Variants in KIAA1217 observed in about 807,000 individuals in gnomAD.
The protein encoded by KIAA1217 is KIAA1217.
KIAA1217 carries 88 observed loss-of-function variants against 163.9 expected under a neutral mutation model. That is an observed-to-expected ratio of 0.54 (90% CI 0.45 to 0.64). KIAA1217 has a LOEUF of 0.64. Ranked by LOEUF, KIAA1217 falls within the 30% of genes least tolerant of loss-of-function variation. The pLI, the probability that KIAA1217 is intolerant of heterozygous loss-of-function variation, is 0.00. For synonymous variants in KIAA1217, 903 were observed against 923.1 expected (o/e 0.98, Z 0.39); for missense variants, 2,372 against 2,475.0 (o/e 0.96, Z 0.88).
At chr10:23,910,445 A>T (rs1842386753) in intron 1 of KIAA1217, among the ~76,000 whole-genome samples, 1 of 152,184 alleles carries the variant, frequency 6.6e-6, no homozygotes, top group African/African-American at 2.4e-5. Flanking sequence ...AAACCTCTGC[A>T]TGGCTCTGAC....
intron 2 of KIAA1217, among the ~76,000 whole-genome samples, chr10:24,192,168 A>G (rs1192932515): frequency 3.9e-5 from 6 of 152,228 alleles, no homozygotes; most frequent in African/African-American, 1.4e-4. Flanking sequence ...CGTCTGGTGA[A>G]GAGCGGAACA....
At chr10:24,116,111 A>G (rs978548214) in intron 2 of KIAA1217, among the ~76,000 whole-genome samples, 3 of 151,962 alleles carry the variant, frequency 2.0e-5, no homozygotes, top group Non-Finnish European at 4.4e-5. Context: ...ACACTCTTAC[A>G]TCACCTGATC....
At chr10:24,433,786 A>G (rs1166035153) in intron 4 of KIAA1217, among the ~76,000 whole-genome samples, 1 of 152,292 alleles carries the variant, frequency 6.6e-6, no homozygotes, top group Non-Finnish European at 1.5e-5. Flanking sequence ...ACAAGTTAGA[A>G]TAAAAGCAGT....
Position 24,501,382 on chromosome 10 carries a change from C to T in KIAA1217, c.1838C>T (p.Thr613Met), listed in dbSNP as rs1445183773. 18 of 1,605,244 alleles carry T rather than the reference C, an allele frequency of 1.1e-5. No homozygotes were observed. Among genetic ancestry groups the T allele is most frequent in the Non-Finnish European group, 1.4e-5 (16 of 1,173,254 alleles). The change falls in exon 9 of 21, where the codon ACG becomes ATG. Residue 613 changes from threonine (T) to methionine (M), a missense_variant. Transcript: ENST00000376454. ...ANRNHTDSAGTPHVSGGKMLS... is the reference protein window; with the variant it reads ...ANRNHTDSAGMPHVSGGKMLS... The stretch of plus-strand genomic sequence containing the variant: ...CTCTGATGCACTTTTCTCATAGGAA[C>T]GCCCCATGTGTCTGGTGGGAAGATG...
chr10:24,129,518 T>C (rs2063579382), intron 2 of KIAA1217, among the ~76,000 whole-genome samples: 1 of 152,152 alleles, frequency 6.6e-6, no homozygotes, highest in African/African-American at 2.4e-5. Context: ...TTAAAGTATA[T>C]AATCATTAAT....
At chr10:24,083,962 C>G (rs948330602) in intron 2 of KIAA1217, among the ~76,000 whole-genome samples, 1 of 152,110 alleles carries the variant, frequency 6.6e-6, no homozygotes, top group Non-Finnish European at 1.5e-5. Flanking sequence ...TAATGAGGAG[C>G]TAGGCTTCAG....
intron 1 of KIAA1217, among the ~76,000 whole-genome samples, chr10:23,866,856 A>G (rs529538789): frequency 6.6e-6 from 1 of 150,968 alleles, no homozygotes; most frequent in East Asian, 2.0e-4. Context: ...TTTTTCTTTT[A>G]TTATTATTAT....
chr10:24,043,133 A>G (rs1399475864), intron 2 of KIAA1217, among the ~76,000 whole-genome samples: 1 of 152,194 alleles, frequency 6.6e-6, no homozygotes, highest in Non-Finnish European at 1.5e-5. Context: ...AGCGTATGTA[A>G]TCACAGAGGG....
chr10:24,103,042 C>G (rs1564704263), intron 2 of KIAA1217, among the ~76,000 whole-genome samples: 1 of 152,184 alleles, frequency 6.6e-6, no homozygotes, highest in East Asian at 1.9e-4. Context: ...CACCTTCCAC[C>G]ATGACTGTGA....
chr10:23,834,935 A>G lies in KIAA1217; in HGVS notation c.-321+139701A>G, dbSNP rs141829792. On this transcript the variant is annotated intron_variant, in intron 1 of 18. Transcript: ENST00000376462. Reference sequence around the variant, plus strand: ...ATAAACATTCAAATCACTGTTTTGTAAGTAGTCACTTGAAATGACTATCAA... The same window carrying G: ...ATAAACATTCAAATCACTGTTTTGTGAGTAGTCACTTGAAATGACTATCAA... 4.9e-3 allele frequency among the ~76,000 whole-genome samples: 749 copies of G among 152,264 alleles called. 8 individuals are homozygous for G. In the South Asian group the frequency reaches 0.052, roughly 10 times the overall value.
chr10:24,390,032 A>G (rs1268000782), intron 3 of KIAA1217, among the ~76,000 whole-genome samples: 1 of 152,164 alleles, frequency 6.6e-6, no homozygotes, highest in African/African-American at 2.4e-5. Context: ...CCTCTTTACC[A>G]AACCAGGTCT....
intron 3 of KIAA1217, among the ~76,000 whole-genome samples, chr10:24,382,217 AAG>A (rs2053412216): frequency 6.6e-6 from 1 of 152,074 alleles, no homozygotes; most frequent in Non-Finnish European, 1.5e-5. Context: ...GCTTGGGGAT[AAG>A]AGGGGACAGG....
chr10:23,980,725 C>G (rs1321621024), intron 1 of KIAA1217, among the ~76,000 whole-genome samples: 6 of 152,178 alleles, frequency 3.9e-5, no homozygotes, highest in African/African-American at 1.4e-4. Flanking sequence ...TTCATTGATT[C>G]TACAGGCGAA....
rs1588640827 is a variant in KIAA1217, at chr10:23,710,169, C to T, written c.-321+14935C>T. Among the ~76,000 whole-genome samples the T allele has an allele frequency of 3.3e-5, 5 of 149,628 alleles. No homozygotes were observed. The South Asian group carries it at 1.1e-3, about 32-fold the overall frequency. ...AGGTGTGGGACGGGGCCTTCTGTTACCTTATGCAGACTGCACTTTTTCTAG... is the reference window on the plus strand; with the variant it reads ...AGGTGTGGGACGGGGCCTTCTGTTATCTTATGCAGACTGCACTTTTTCTAG... On this transcript the variant is annotated intron_variant, in intron 1 of 18. Transcript: ENST00000376462.
At chr10:24,111,962 T>C (rs2062864503) in intron 2 of KIAA1217, among the ~76,000 whole-genome samples, 1 of 152,058 alleles carries the variant, frequency 6.6e-6, no homozygotes, top group Non-Finnish European at 1.5e-5. Flanking sequence ...TGTTGTTGTT[T>C]GTTTTGTTTT....
intron 1 of KIAA1217, among the ~76,000 whole-genome samples, chr10:23,774,812 A>ATC (rs1390208294): frequency 6.6e-6 from 1 of 152,202 alleles, no homozygotes; most frequent in African/African-American, 2.4e-5. Context: ...GTCATCCCTG[A>ATC]TCTCTAAGTT....
intron 2 of KIAA1217, among the ~76,000 whole-genome samples, chr10:24,007,544 GTTCTGA>G (rs1564606175): frequency 3.3e-5 from 5 of 152,144 alleles, no homozygotes; most frequent in Admixed American, 6.5e-5. Flanking sequence ...ACAGGTATTT[GTTCTGA>G]TATGTAGCTG....
intron 1 of KIAA1217, among the ~76,000 whole-genome samples, chr10:23,899,934 C>G (rs1841884129): frequency 6.6e-6 from 1 of 151,340 alleles, no homozygotes; most frequent in African/African-American, 2.4e-5. Context: ...TTTCCTTCTT[C>G]CCTCCCTTCC....
chr10:24,034,089 CA>C (rs1848296171), intron 2 of KIAA1217, among the ~76,000 whole-genome samples: 1 of 152,200 alleles, frequency 6.6e-6, no homozygotes, highest in Admixed American at 6.5e-5. Context: ...TGCATTCTTA[CA>C]ATTGTCAAAG....
Sources: allele counts gnomAD v4.1 joint callset (sites outside exome capture counted in the v4.1 genomes callset), GRCh38; gene constraint gnomAD v4.1.1; transcripts MANE v1.5; gene names NCBI Gene and HGNC (gene_info 2026-07-23, HGNC 2026-07-21).